The following ABCA9 variants were observed in gnomAD, a reference collection of about 807,000 sequenced individuals.
ABCA9 encodes the protein ATP binding cassette subfamily A member 9, also known as ATP-binding cassette sub-family A member 9.
Under a neutral mutation model 205.3 loss-of-function variants are expected in ABCA9, and 183 were observed. The observed-to-expected ratio is 0.89, with a 90% CI of 0.79 to 1.01. ABCA9 has a LOEUF of 1.01. ABCA9 is among the 50% of genes least tolerant of loss of function. The probability of loss-of-function intolerance (pLI) is 0.00; values close to 1 mark genes in which losing one functional copy is unlikely to be tolerated. For synonymous variants in ABCA9, 651 were observed against 683.3 expected (o/e 0.95, Z 0.74); for missense variants, 1,805 against 1,912.4 (o/e 0.94, Z 1.05).
intron 1 of ABCA9, 84 bp from the exon 2 acceptor site, chr17:69,051,223 G>C (rs1490275027): frequency 2.1e-5 from 25 of 1,216,064 alleles, no homozygotes; most frequent in Non-Finnish European, 2.7e-5. Flanking sequence ...AAGAAACATT[G>C]TAACAGCTGT....
chr17:69,051,313 G>T (rs953345040), intron 1 of ABCA9, among the ~76,000 whole-genome samples, 174 bp from the exon 2 acceptor site: 77 of 152,142 alleles, frequency 5.1e-4, no homozygotes, highest in African/African-American at 1.7e-3. Context: ...ACTCAATATT[G>T]AAAGAAATAA....
At chr17:69,075,498 G>A in the ABCA9 span, among the ~76,000 whole-genome samples, 263 of 152,170 alleles carry the variant, frequency 1.7e-3, 1 homozygote, top group African/African-American at 6.1e-3. Context: ...TATTAAATAC[G>A]GAGTCCTTTC....
intron 22 of ABCA9, among the ~76,000 whole-genome samples, chr17:69,013,164 A>G (rs969302086): frequency 5.3e-5 from 8 of 152,292 alleles, no homozygotes; most frequent in Non-Finnish European, 1.2e-4. Flanking sequence ...TATTGTGAAC[A>G]GTGCTGTAAC....
Position 69,016,341 on chromosome 17 carries a change from G to A in ABCA9, c.2951C>T (p.Pro984Leu), listed in dbSNP as rs1258586587. 17 of 1,603,314 alleles carry A rather than the reference G, an allele frequency of 1.1e-5. No homozygotes were observed. The highest frequency in any genetic ancestry group is 1.4e-5 in the Non-Finnish European group (17 of 1,176,042). Residue 984 changes from proline (P) to leucine (L), a missense_variant, in exon 22 of 39, where the codon CCT (proline) becomes CTT (leucine). By Grantham distance (98) the Pro-to-Leu change is moderately conservative. Transcript: ENST00000340001. ...ACNTKRLNCF[P>L]VLLDVISNGL... ...ATTGCTAATGACATCCAGGAGGACA[G>A]GAAAGCAATTCAGCCGTTTTGTATT...
chr17:68,993,658 A>T (rs1382105092), intron 26 of ABCA9, among the ~76,000 whole-genome samples: 1 of 152,234 alleles, frequency 6.6e-6, no homozygotes, highest in Non-Finnish European at 1.5e-5. Context: ...TTTACCAACA[A>T]GTTTCCTGAG....
At position 69,017,650 on chromosome 17, in the gene ABCA9, G is replaced by A. The variant is rs1444371785; in HGVS notation, c.2901+6C>T. On this transcript the variant is annotated splice_donor_region_variant and intron_variant, in intron 21 of 38. Transcript: ENST00000340001. ...GGTGAAATGCAGCAACTGGAGTCCAGCATACCTTTTCATCACCTGACACAA... is the reference window on the plus strand; with the variant it reads ...GGTGAAATGCAGCAACTGGAGTCCAACATACCTTTTCATCACCTGACACAA... 3 of 1,612,530 alleles carry A rather than the reference G, an allele frequency of 1.9e-6. No homozygotes were observed. The highest frequency in any genetic ancestry group is 2.5e-6 in the Non-Finnish European group (3 of 1,178,998).
intron 18 of ABCA9, chr17:69,020,856 A>G (rs2070785723): frequency 3.1e-6 from 1 of 319,198 alleles, no homozygotes; most frequent in Non-Finnish European, 5.7e-6. Flanking sequence ...AAGGAAATCA[A>G]TGAAAAAAAA....
chr17:69,009,967 T>A (rs2070309761), intron 23 of ABCA9, among the ~76,000 whole-genome samples: 1 of 152,186 alleles, frequency 6.6e-6, no homozygotes, highest in Admixed American at 6.5e-5. Flanking sequence ...TCATTGTTTC[T>A]CATATTAAAT....
At chr17:69,078,866 A>T in the ABCA9 span, 1 of 648,678 alleles carries the variant, frequency 1.5e-6, no homozygotes, top group African/African-American at 1.9e-5. Context: ...TTTACAAAAT[A>T]TACCTGATGT....
rs369994511 is a variant in ABCA9 at position 68,982,476 on chromosome 17, G to A, written c.4720+86C>T. ...TAATGATATAACAGCATAATTCTAT[G>A]TTTATGTATTTTTAAAATACTGGTT... On this transcript the variant is annotated intron_variant, in intron 37 of 38. Transcript: ENST00000340001. 63 of 1,013,148 alleles carry A rather than the reference G, an allele frequency of 6.2e-5. No individual in the cohort carries two copies. The African/African-American group carries it at 9.1e-4, about 15-fold the overall frequency. 62.8% of individuals were successfully genotyped at this position (1,013,148 alleles called of 1,614,324 possible).
rs766367020 is a variant in ABCA9 at position 69,028,592 on chromosome 17, C to T, written c.1558G>A (p.Gly520Arg). 6.8e-6 allele frequency: 11 copies of T among 1,610,238 alleles called. No homozygotes were observed. The African/African-American group carries it at 1.2e-4, about 18-fold the overall frequency. Residue 520 changes from glycine to arginine, a missense_variant, in exon 12 of 39, where the codon GGA (glycine) becomes AGA (arginine). Gly to Arg is a moderately radical substitution (Grantham distance 125, BLOSUM62 -2). Transcript: ENST00000340001. Reference protein sequence around the residue: ...GQITALLGHSGAGKTTLLNIL... With the variant: ...GQITALLGHSRAGKTTLLNIL... ...TTTAACAGGGTAGTTTTTCCAGCTC[C>T]ACTGTGACCAAGGAGGGCAGTGATC...
intron 9 of ABCA9, 108 bp downstream of exon 9, chr17:69,033,618 G>T (rs1199392200): frequency 4.2e-6 from 4 of 960,308 alleles, no homozygotes; most frequent in Non-Finnish European, 6.2e-6. Context: ...GCTTGTTGTA[G>T]AAATTTTGAA....
Position 69,020,568 on chromosome 17 carries a change from T to C in ABCA9, c.2420A>G (p.Gln807Arg), listed in dbSNP as rs2070778623. ...ATCTTTTGCCCCATCAGTTTGTAAT[T>C]GTCCCCAAATTCCAATATCTAAAAC... The part of the protein sequence containing the change: ...IDESDIGIWG[Q>R]LQTDGAKDIG... The change falls in exon 19 of 39, where the codon CAA (glutamine) becomes CGA (arginine). Residue 807 changes from glutamine to arginine, a missense_variant. Transcript: ENST00000340001. 6.2e-7 allele frequency: 1 copy of C among 1,613,524 alleles called. No homozygotes were observed. Among genetic ancestry groups the C allele is most frequent in the Non-Finnish European group, 8.5e-7 (1 of 1,179,722 alleles).
intron 9 of ABCA9, 140 bp from the exon 10 acceptor site, chr17:69,032,416 G>T: frequency 2.7e-6 from 2 of 738,240 alleles, no homozygotes; most frequent in Non-Finnish European, 4.2e-6. Flanking sequence ...GTTTTAATGT[G>T]CTTTTGACAC....
chr17:69,004,332 C>G (rs1252402714), intron 25 of ABCA9, among the ~76,000 whole-genome samples: 1 of 152,152 alleles, frequency 6.6e-6, no homozygotes, highest in Non-Finnish European at 1.5e-5. Flanking sequence ...AGTTTTCCTT[C>G]TAACGGACAG....
intron 4 of ABCA9, 150 bp from the exon 5 acceptor site, chr17:69,044,750 C>A (rs762553951): frequency 3.4e-6 from 2 of 591,478 alleles, no homozygotes; most frequent in Non-Finnish European, 5.9e-6. Flanking sequence ...CACACCCAAA[C>A]GGAATATAGC....
chr17:68,977,395 T>A (rs1392075979), intron 37 of ABCA9, among the ~76,000 whole-genome samples: 1 of 152,218 alleles, frequency 6.6e-6, no homozygotes, highest in Non-Finnish European at 1.5e-5. Flanking sequence ...ATAGCTCTAA[T>A]GATCAGATCA....
intron 3 of ABCA9, among the ~76,000 whole-genome samples, chr17:69,048,272 C>G (rs1311449613): frequency 6.6e-6 from 1 of 152,104 alleles, no homozygotes; most frequent in Admixed American, 6.6e-5. Context: ...GTGGAATATT[C>G]CACTTATGCA....
chr17:69,057,353 C>G (rs1390380136), intron 1 of ABCA9, among the ~76,000 whole-genome samples: 3 of 152,192 alleles, frequency 2.0e-5, no homozygotes, highest in Admixed American at 6.5e-5. Flanking sequence ...GACAATCACC[C>G]ATGCCTGCCT....
Sources: allele counts gnomAD v4.1 joint callset (sites outside exome capture counted in the v4.1 genomes callset), GRCh38; gene constraint gnomAD v4.1.1; transcripts MANE v1.5; gene names NCBI Gene and HGNC (gene_info 2026-07-23, HGNC 2026-07-21).